SNX29: variants seen among roughly 807,000 people sequenced by gnomAD.
SNX29 encodes sorting nexin 29, also known as sorting nexin-29.
A neutral mutation model predicts 102.1 loss-of-function variants in SNX29; 78 were observed. The ratio of observed to expected loss-of-function variants is 0.76; its 90% CI spans 0.64 to 0.92. The LOEUF is 0.92. SNX29 is among the 40% of genes least tolerant of loss of function. The pLI, the probability that SNX29 is intolerant of heterozygous loss-of-function variation, is 0.00. For missense variants in SNX29, 1,280 were observed against 1,061.7 expected (o/e 1.21, Z -2.86); for synonymous variants, 580 against 414.5 (o/e 1.40, Z -4.85).
intron 13 of SNX29, among the ~76,000 whole-genome samples, chr16:12,157,810 C>A (rs2055616055): frequency 6.6e-6 from 1 of 152,144 alleles, no homozygotes; most frequent in Non-Finnish European, 1.5e-5. Flanking sequence ...CAGGGCCATT[C>A]TCTGAAAGCC....
intron 15 of SNX29, among the ~76,000 whole-genome samples, chr16:12,334,790 C>T (rs921123975): frequency 5.9e-5 from 9 of 152,032 alleles, no homozygotes; most frequent in African/African-American, 9.7e-5. Context: ...GGGCAGTCCT[C>T]ACCATGTCAC....
intron 14 of SNX29, among the ~76,000 whole-genome samples, chr16:12,207,827 T>C (rs830723): frequency 0.9 from 137,112 of 152,170 alleles, 63,497 homozygotes; most frequent in East Asian, 1. Context: ...CTTTTTGCTA[T>C]TATGGGTTAT....
At chr16:12,521,599 A>G (rs993772707) in intron 19 of SNX29, among the ~76,000 whole-genome samples, 2 of 152,182 alleles carry the variant, frequency 1.3e-5, no homozygotes, top group Non-Finnish European at 2.9e-5. Flanking sequence ...AAGTTTTTGC[A>G]GGGCTGATGA....
intron 9 of SNX29, among the ~76,000 whole-genome samples, chr16:12,064,303 C>G (rs557670919): frequency 2.6e-5 from 4 of 152,154 alleles, no homozygotes; most frequent in Non-Finnish European, 5.9e-5. Flanking sequence ...CTTAGAGAAC[C>G]CAGAGCTCTT....
chr16:12,368,398 A>G (rs1567487640), intron 16 of SNX29, among the ~76,000 whole-genome samples: 2 of 152,366 alleles, frequency 1.3e-5, no homozygotes, highest in East Asian at 1.9e-4. Context: ...GTACTCTATA[A>G]TGACTTCAGC....
chr16:12,566,148 C>T (rs1011725560), intron 20 of SNX29, among the ~76,000 whole-genome samples: 9 of 152,326 alleles, frequency 5.9e-5, no homozygotes, highest in South Asian at 2.1e-4. Context: ...CATTTGCCTA[C>T]AGAAACACAG....
Position 12,334,829 on chromosome 16 carries a change from A to C in SNX29, c.1783-21334A>C, listed in dbSNP as rs1380705812. On this transcript the variant is annotated intron_variant, in intron 15 of 20. Coordinates refer to ENST00000566228, the MANE Select transcript of SNX29 (RefSeq NM_032167.5). ...ATCCCCACCTAGCCTGCTTCTCTCA[A>C]TTATTTTACCTGCCTGGTCCCTATA... is the stretch of plus-strand genomic sequence containing the variant. 2.0e-5 allele frequency among the ~76,000 whole-genome samples: 3 copies of C among 147,354 alleles called. No homozygotes were observed. The East Asian group carries it at 6.0e-4, about 30-fold the overall frequency.
chr16:12,506,878 G>A (rs2089403109), intron 19 of SNX29, among the ~76,000 whole-genome samples: 3 of 147,972 alleles, frequency 2.0e-5, no homozygotes, highest in Non-Finnish European at 4.5e-5. Flanking sequence ...TCTTTCCTCA[G>A]GCTTGTCCTT....
chr16:12,408,123 C>G (rs1329494966), intron 18 of SNX29, among the ~76,000 whole-genome samples: 1 of 151,302 alleles, frequency 6.6e-6, no homozygotes, highest in Non-Finnish European at 1.5e-5. Flanking sequence ...ATGCCACTGC[C>G]ACTCCGGCCT....
At chr16:12,339,827 A>C (rs1016830724) in intron 15 of SNX29, among the ~76,000 whole-genome samples, 2 of 152,150 alleles carry the variant, frequency 1.3e-5, no homozygotes, top group Non-Finnish European at 2.9e-5. Context: ...CCATCCCTGA[A>C]CCAGTCACTG....
intron 14 of SNX29, among the ~76,000 whole-genome samples, chr16:12,255,431 C>T (rs904322821): frequency 6.6e-6 from 1 of 152,092 alleles, no homozygotes; most frequent in African/African-American, 2.4e-5. Flanking sequence ...GTTCTGCTAA[C>T]AGTCCAGTAT....
At chr16:12,400,391 C>T (rs528046496) in intron 17 of SNX29, among the ~76,000 whole-genome samples, 2 of 152,350 alleles carry the variant, frequency 1.3e-5, no homozygotes, top group East Asian at 3.9e-4. Context: ...CTAACTCACT[C>T]AGTCCCTACA....
intron 15 of SNX29, among the ~76,000 whole-genome samples, chr16:12,339,074 A>T (rs1055099018): frequency 6.6e-6 from 1 of 152,238 alleles, no homozygotes. Flanking sequence ...TGACTGTTTC[A>T]TAATAAGTGG....
At chr16:12,055,511 A>G (rs562523918) in intron 8 of SNX29, among the ~76,000 whole-genome samples, 1 of 152,168 alleles carries the variant, frequency 6.6e-6, no homozygotes, top group Non-Finnish European at 1.5e-5. Context: ...GATTACAGGC[A>G]TGAGCCACCA....
At chr16:12,156,346 G>A (rs766928652) in intron 13 of SNX29, among the ~76,000 whole-genome samples, 4 of 152,302 alleles carry the variant, frequency 2.6e-5, no homozygotes, top group Admixed American at 2.0e-4. Flanking sequence ...GTGAATTTTT[G>A]TATGTTTGGT....
At chr16:12,217,698 T>C (rs886133469) in intron 14 of SNX29, among the ~76,000 whole-genome samples, 5 of 152,182 alleles carry the variant, frequency 3.3e-5, no homozygotes, top group African/African-American at 7.2e-5. Flanking sequence ...GCATGAATGA[T>C]TGGATTTACC....
intron 14 of SNX29, among the ~76,000 whole-genome samples, chr16:12,235,272 A>G (rs1007795697): frequency 1.3e-5 from 2 of 151,902 alleles, no homozygotes; most frequent in African/African-American, 4.8e-5. Flanking sequence ...CCCTTCACCA[A>G]CGTGCCCCAG....
At chr16:12,503,575 G>C (rs1377594783) in intron 19 of SNX29, among the ~76,000 whole-genome samples, 1 of 152,170 alleles carries the variant, frequency 6.6e-6, no homozygotes, top group Non-Finnish European at 1.5e-5. Context: ...AGTCGTGAGA[G>C]GAATTTGATT....
intron 13 of SNX29, among the ~76,000 whole-genome samples, chr16:12,172,983 T>G (rs998467699): frequency 2.6e-5 from 4 of 152,178 alleles, no homozygotes; most frequent in African/African-American, 9.7e-5. Context: ...AACGTTTATT[T>G]GGGAAGCAAG....
Sources: gnomAD v4.1 joint callset for allele counts (sites outside exome capture counted in the v4.1 genomes callset) on GRCh38, gnomAD v4.1.1 for gene constraint, MANE v1.5 for transcripts, NCBI Gene and HGNC (gene_info 2026-07-23, HGNC 2026-07-21) for gene names.